The following CAST variants were observed in gnomAD, a reference collection of about 807,000 sequenced individuals.
CAST encodes calpastatin.
Under a neutral mutation model 119.6 loss-of-function variants are expected in CAST, and 76 were observed. The ratio of observed to expected loss-of-function variants is 0.64; its 90% CI spans 0.53 to 0.77. CAST has a LOEUF of 0.77. Among genes scored for constraint, CAST ranks in the 30% least tolerant of loss-of-function variants. The pLI is 0.00. For missense variants in CAST, 953 were observed against 946.5 expected, an observed-to-expected ratio of 1.01 and a Z score of -0.09; for synonymous variants, 319 against 331.6, an observed-to-expected ratio of 0.96 and a Z score of 0.41.
the CAST span, among the ~76,000 whole-genome samples, chr5:96,367,248 C>A: frequency 6.6e-6 from 1 of 152,104 alleles, no homozygotes; most frequent in African/African-American, 2.4e-5. Flanking sequence ...GGGGATGCCT[C>A]CCAGTTAGGC....
chr5:96,557,224 A>G lies in CAST; in HGVS notation c.60+27344A>G, dbSNP rs527287032. ...CCTGAAGGAAGCACTAAACATGGAA[A>G]GGAACAACTGGTACCAGCCACTGCA... On this transcript the variant is annotated intron_variant, in intron 1 of 11. Transcript: ENST00000505143. 8.2e-4 allele frequency among the ~76,000 whole-genome samples: 125 copies of G among 152,146 alleles called. 1 individual carries two copies. Among genetic ancestry groups the G allele is most frequent in the African/African-American group, 2.9e-3 (121 of 41,544 alleles).
chr5:96,578,901 A>T (rs888865773), intron 1 of CAST, among the ~76,000 whole-genome samples: 3 of 152,152 alleles, frequency 2.0e-5, no homozygotes, highest in Non-Finnish European at 2.9e-5. Flanking sequence ...GCAGGCTATG[A>T]TTCCAATAGC....
the CAST span, among the ~76,000 whole-genome samples, chr5:96,142,243 C>G: frequency 6.6e-6 from 1 of 152,102 alleles, no homozygotes; most frequent in Non-Finnish European, 1.5e-5. Flanking sequence ...AACCCCGTCT[C>G]TACTAAAAAA....
At chr5:96,422,054 C>T in the CAST span, 1 of 743,046 alleles carries the variant, frequency 1.3e-6, no homozygotes, top group East Asian at 2.5e-5. Flanking sequence ...CTATGCCTTC[C>T]CATCCTGGCT....
At chr5:96,255,081 A>G in the CAST span, among the ~76,000 whole-genome samples, 8 of 152,114 alleles carry the variant, frequency 5.3e-5, no homozygotes, top group Non-Finnish European at 1.0e-4. Flanking sequence ...TTCCTACCAT[A>G]AGCTTAATGA....
intron 1 of CAST, among the ~76,000 whole-genome samples, chr5:96,568,020 G>A (rs1306814416): frequency 6.6e-6 from 1 of 152,272 alleles, no homozygotes; most frequent in Non-Finnish European, 1.5e-5. Flanking sequence ...TGCTTCAGGG[G>A]TTTAGATTTC....
the CAST span, among the ~76,000 whole-genome samples, chr5:96,138,150 T>C: frequency 2.3e-4 from 35 of 152,064 alleles, no homozygotes; most frequent in Non-Finnish European, 4.0e-4. Context: ...TCCAGTTGAA[T>C]TAATTTTATG....
At chr5:96,506,543 A>G in the CAST span, among the ~76,000 whole-genome samples, 1 of 152,218 alleles carries the variant, frequency 6.6e-6, no homozygotes, top group Non-Finnish European at 1.5e-5. Context: ...CTCACTATCA[A>G]GGGAGTCCTG....
the CAST span, among the ~76,000 whole-genome samples, chr5:96,032,955 A>C: frequency 6.6e-6 from 1 of 152,162 alleles, no homozygotes; most frequent in Admixed American, 6.6e-5. Context: ...AACTGTTAGC[A>C]CTAATAAGCA....
rs35212622 is a variant in CAST at position 96,762,257 on chromosome 5, AT to A, written c.1834-10del. ...TTATATACAACATGTTACTAATAAA[AT>A]TTTTTTCAATAAAAGAAATTTGAAG... On this transcript the variant is annotated splice_polypyrimidine_tract_variant and intron_variant, in intron 24 of 31. Transcript: ENST00000675179. 3.2e-6 allele frequency: 5 copies of A among 1,575,262 alleles called. No individual in the cohort carries two copies. The highest frequency in any genetic ancestry group is 1.7e-4 in the Middle Eastern group (1 of 5,960).
upstream of CAST, chr5:96,662,322 T>TGCCAAC: frequency 1.8e-6 from 1 of 567,038 alleles, no homozygotes; most frequent in Non-Finnish European, 2.5e-6. Flanking sequence ...GGCCCTCCGC[T>TGCCAAC]CCCTCCCTCC....
At chr5:96,085,001 T>C in the CAST span, among the ~76,000 whole-genome samples, 1 of 152,206 alleles carries the variant, frequency 6.6e-6, no homozygotes, top group African/African-American at 2.4e-5. Flanking sequence ...CCCTGAATTC[T>C]TTGACTTTTA....
intron 1 of CAST, among the ~76,000 whole-genome samples, chr5:96,539,263 T>C (rs1446770384): frequency 3.3e-5 from 5 of 152,196 alleles, no homozygotes; most frequent in Non-Finnish European, 7.4e-5. Flanking sequence ...CCTATTCTAA[T>C]GGGTAATGCA....
the CAST span, among the ~76,000 whole-genome samples, chr5:96,057,955 T>C: frequency 4.6e-5 from 7 of 152,160 alleles, no homozygotes; most frequent in African/African-American, 7.2e-5. Flanking sequence ...AGAAGAACAA[T>C]CTTCAGATTT....
the CAST span, among the ~76,000 whole-genome samples, chr5:96,331,866 T>A: frequency 6.6e-6 from 1 of 152,212 alleles, no homozygotes; most frequent in Non-Finnish European, 1.5e-5. Context: ...CAGCCTTAGA[T>A]GATAGTGATA....
the CAST span, among the ~76,000 whole-genome samples, chr5:96,131,684 G>T: frequency 2.0e-5 from 3 of 152,138 alleles, no homozygotes; most frequent in Admixed American, 1.3e-4. Context: ...CGACCTACAT[G>T]AGAGCAATGA....
the CAST span, among the ~76,000 whole-genome samples, chr5:96,211,261 G>A: frequency 9.1e-4 from 138 of 152,058 alleles, 1 homozygote; most frequent in East Asian, 1.9e-4. Context: ...GAGGGAAAGC[G>A]TTAAATTTTT....
At chr5:96,439,092 A>T in the CAST span, among the ~76,000 whole-genome samples, 1 of 152,212 alleles carries the variant, frequency 6.6e-6, no homozygotes, top group South Asian at 2.1e-4. Flanking sequence ...GTTCACTGGC[A>T]TAATTTATAA....
At chr5:96,014,150 T>G in the CAST span, among the ~76,000 whole-genome samples, 6 of 151,888 alleles carry the variant, frequency 4.0e-5, no homozygotes, top group Admixed American at 2.0e-4. Context: ...ATTCATTTTT[T>G]TTTTTTTTAC....
Sources: allele counts gnomAD v4.1 joint callset (sites outside exome capture counted in the v4.1 genomes callset), GRCh38; gene constraint gnomAD v4.1.1; transcripts MANE v1.5; gene names NCBI Gene and HGNC (gene_info 2026-07-23, HGNC 2026-07-21).